The following DCUN1D2 variants were observed in gnomAD, a reference collection of about 807,000 sequenced individuals.
The protein encoded by DCUN1D2 is defective in cullin neddylation 1 domain containing 2, also known as DCN1-like protein 2.
A neutral mutation model predicts 30.9 loss-of-function variants in DCUN1D2; 29 were observed. The ratio of observed to expected loss-of-function variants is 0.94; its 90% CI spans 0.70 to 1.28. DCUN1D2 has a LOEUF of 1.28. Among genes scored for constraint, DCUN1D2 ranks in the 50% most tolerant of loss-of-function variants. DCUN1D2 has a pLI of 0.00. For missense variants in DCUN1D2, 325 were observed against 316.9 expected (o/e 1.03, Z -0.19); for synonymous variants, 121 against 115.3 (o/e 1.05, Z -0.32).
At chr13:113,475,125 C>G (rs961733757) in intron 3 of DCUN1D2, among the ~76,000 whole-genome samples, 1 of 152,164 alleles carries the variant, frequency 6.6e-6, no homozygotes, top group African/African-American at 2.4e-5. Context: ...AGCTTTAGAG[C>G]AGCTAGAAAA....
chr13:113,484,304 T>G, intron 1 of DCUN1D2: 1 of 723,358 alleles, frequency 1.4e-6, no homozygotes, highest in Non-Finnish European at 2.1e-6. Flanking sequence ...CTCTATCCAG[T>G]TCACTCTGCA....
At chr13:113,460,839 A>C (rs2044307091) in intron 5 of DCUN1D2, among the ~76,000 whole-genome samples, 1 of 152,234 alleles carries the variant, frequency 6.6e-6, no homozygotes, top group African/African-American at 2.4e-5. Context: ...CCACGTTCTG[A>C]GGAGGCCCCG....
chr13:113,473,086 CCT>C (rs780241789), intron 4 of DCUN1D2, among the ~76,000 whole-genome samples: 2 of 143,226 alleles, frequency 1.4e-5, no homozygotes, highest in East Asian at 2.0e-4. Flanking sequence ...TCTCTCTATC[CCT>C]CTGTCTCCTG....
chr13:113,459,643 T>C (rs374989459), intron 5 of DCUN1D2: 52 of 347,288 alleles, frequency 1.5e-4, no homozygotes, highest in African/African-American at 1.1e-3. Flanking sequence ...AATATTACAA[T>C]TATAAACTCC....
chr13:113,467,059 C>G (rs528109092), intron 4 of DCUN1D2, among the ~76,000 whole-genome samples: 4 of 152,052 alleles, frequency 2.6e-5, no homozygotes, highest in Non-Finnish European at 4.4e-5. Context: ...CCGCCCGCCT[C>G]GGCCTCCCAA....
chr13:113,476,060 TG>T (rs1257636887), intron 3 of DCUN1D2: 2 of 152,256 alleles, frequency 1.3e-5, no homozygotes, highest in African/African-American at 2.4e-5. Context: ...TGGCTCCAGC[TG>T]CTCATTTTCT....
At chr13:113,464,409 A>G (rs2139683766) in intron 4 of DCUN1D2, among the ~76,000 whole-genome samples, 1 of 152,356 alleles carries the variant, frequency 6.6e-6, no homozygotes, top group Middle Eastern at 3.4e-3. Context: ...CTGAATCTTA[A>G]AAATGTTTCC....
intron 3 of DCUN1D2, chr13:113,479,091 G>C (rs2044664804): frequency 6.6e-6 from 1 of 152,068 alleles, no homozygotes; most frequent in South Asian, 2.1e-4. Flanking sequence ...GTTTTCTTTT[G>C]AAAAGAATAT....
At chr13:113,473,041 C>T (rs1197111304) in intron 4 of DCUN1D2, among the ~76,000 whole-genome samples, 1 of 135,810 alleles carries the variant, frequency 7.4e-6, no homozygotes, top group Non-Finnish European at 1.6e-5. Flanking sequence ...CTGCCCGTGT[C>T]CCCCCGTGCC....
chr13:113,482,237 C>T (rs564920929), intron 2 of DCUN1D2, among the ~76,000 whole-genome samples: 2 of 152,282 alleles, frequency 1.3e-5, no homozygotes, highest in East Asian at 1.9e-4. Context: ...GATTGTACCA[C>T]GTTTCTACTT....
chr13:113,458,238 T>C (rs1209183005), intron 6 of DCUN1D2, 130 bp from the exon 7 acceptor site: 4 of 820,402 alleles, frequency 4.9e-6, no homozygotes, highest in Admixed American at 4.0e-5. Flanking sequence ...CATTTGTGTT[T>C]CACAGAATGA....
intron 1 of DCUN1D2, among the ~76,000 whole-genome samples, chr13:113,487,864 A>G (rs537173879): frequency 6.6e-6 from 1 of 152,314 alleles, no homozygotes; most frequent in African/African-American, 2.4e-5. Context: ...AATTTCACCT[A>G]AAAAAATTCA....
At chr13:113,462,816 G>C (rs941759841) in intron 4 of DCUN1D2, 1 of 1,207,004 alleles carries the variant, frequency 8.3e-7, no homozygotes, top group Non-Finnish European at 1.1e-6. Context: ...TATCACTTAG[G>C]AAGAACATTA....
Position 113,459,453 on chromosome 13 carries a change from G to A in DCUN1D2, c.604-45C>T, listed in dbSNP as rs377228025. 4.7e-5 allele frequency: 41 copies of A among 877,552 alleles called. No homozygotes were observed. The African/African-American group carries it at 6.6e-4, about 14-fold the overall frequency. The allele number at this position is 877,552 out of a possible 1,614,324, so 54.4% of individuals were successfully genotyped here. On this transcript the variant is annotated intron_variant, in intron 5 of 6. Transcript: ENST00000478244. The stretch of plus-strand genomic sequence containing the variant: ...AAAAACCCACCAGGTTTAAAATACA[G>A]AGCTTAACTCTCATATATTCTAGTG...
At chr13:113,458,470 T>G (rs556765779) in intron 6 of DCUN1D2, among the ~76,000 whole-genome samples, 1 of 152,124 alleles carries the variant, frequency 6.6e-6, no homozygotes, top group South Asian at 2.1e-4. Context: ...CAGCAGGGGG[T>G]GCTCCCTCCT....
chr13:113,468,390 G>A (rs1047626970), intron 4 of DCUN1D2, among the ~76,000 whole-genome samples: 2 of 152,184 alleles, frequency 1.3e-5, no homozygotes, highest in Non-Finnish European at 2.9e-5. Context: ...GGGGAGTGGG[G>A]AGCCAGTGTT....
At chr13:113,471,740 T>C (rs1238385683) in intron 4 of DCUN1D2, among the ~76,000 whole-genome samples, 3 of 152,178 alleles carry the variant, frequency 2.0e-5, no homozygotes, top group Non-Finnish European at 4.4e-5. Flanking sequence ...CAGAAGAAAG[T>C]GGAGCGACAC....
At chr13:113,490,815 C>T (rs1000402464), upstream of DCUN1D2, 1 of 711,670 alleles carries the variant, frequency 1.4e-6, no homozygotes, top group Non-Finnish European at 1.8e-6. The surrounding 1 kb of genome is among the most constrained non-coding windows in gnomAD (Gnocchi z 5.2). Flanking sequence ...CCGGCATGCT[C>T]AGCGCCGCCC....
intron 4 of DCUN1D2, among the ~76,000 whole-genome samples, chr13:113,469,124 T>C (rs1179211225): frequency 1.4e-5 from 2 of 146,918 alleles, no homozygotes; most frequent in South Asian, 2.2e-4. Flanking sequence ...AAAGCCGACA[T>C]TTCTGTCTAC....
Sources: allele counts gnomAD v4.1 joint callset (sites outside exome capture counted in the v4.1 genomes callset), GRCh38; gene constraint gnomAD v4.1.1; non-coding constraint Gnocchi (gnomAD v3.1); transcripts MANE v1.5; gene names NCBI Gene and HGNC (gene_info 2026-07-23, HGNC 2026-07-21).